Variants in TRA2A observed in about 807,000 individuals in gnomAD.
The protein encoded by TRA2A is transformer 2 alpha homolog.
TRA2A carries 31 observed loss-of-function variants against 45.7 expected under a neutral mutation model. The ratio of observed to expected loss-of-function variants is 0.68; its 90% CI spans 0.51 to 0.92. The LOEUF (loss-of-function observed/expected upper bound fraction) is 0.92. TRA2A is among the 40% of genes least tolerant of loss of function. The pLI is 0.00. For synonymous variants in TRA2A, 132 were observed against 126.2 expected (o/e 1.05, Z -0.31); for missense variants, 304 against 367.5 (o/e 0.83, Z 1.41).
At position 23,506,378 on chromosome 7, in the gene TRA2A, A is replaced by T. The variant is rs1789340646; in HGVS notation, c.642-112T>A. ...AAAAGTGAGGAAGAACATCCCTTTC[A>T]TGAGAAATTGCCTCCGTATCTCATT... is the stretch of plus-strand genomic sequence containing the variant. On this transcript the variant is annotated intron_variant, in intron 5 of 7. Transcript: ENST00000297071. The T allele has an allele frequency of 2.3e-6, 3 of 1,302,268 alleles. No homozygotes were observed. The South Asian group carries it at 5.7e-5, about 25-fold the overall frequency. The allele number at this position is 1,302,268 out of a possible 1,614,324, so 80.7% of individuals were successfully genotyped here.
intron 2 of TRA2A, among the ~76,000 whole-genome samples, chr7:23,517,494 AAAAAAAAAAAG>A (rs1488564680): frequency 4.8e-5 from 7 of 145,808 alleles, no homozygotes; most frequent in African/African-American, 1.8e-4. Context: ...AAAAAAAAAA[AAAAAAAAAAAG>A]AGAGAAAGAA....
intron 3 of TRA2A, among the ~76,000 whole-genome samples, chr7:23,513,699 C>G (rs1420128894): frequency 1.3e-5 from 2 of 151,676 alleles, no homozygotes; most frequent in African/African-American, 4.8e-5. Flanking sequence ...AGAAAGGGTA[C>G]GCTTGTCAGC....
intron 1 of TRA2A, among the ~76,000 whole-genome samples, chr7:23,527,058 A>G (rs1790368958): frequency 1.3e-5 from 2 of 152,170 alleles, no homozygotes; most frequent in Non-Finnish European, 2.9e-5. Flanking sequence ...AAACTAATGT[A>G]TAAGTGGCAA....
chr7:23,510,151 T>C (rs1789531650), intron 4 of TRA2A, among the ~76,000 whole-genome samples: 1 of 152,118 alleles, frequency 6.6e-6, no homozygotes, highest in Non-Finnish European at 1.5e-5. Flanking sequence ...CCATACAACA[T>C]GCCTGTGTTA....
At chr7:23,516,614 T>C in intron 2 of TRA2A, 86 bp from the exon 3 acceptor site, 1 of 1,230,248 alleles carries the variant, frequency 8.1e-7, no homozygotes, top group Non-Finnish European at 1.2e-6. Flanking sequence ...CATATATCCC[T>C]AACTATTCTC....
chr7:23,519,909 T>C (rs748524089), intron 2 of TRA2A, among the ~76,000 whole-genome samples: 2 of 152,166 alleles, frequency 1.3e-5, no homozygotes, highest in Non-Finnish European at 2.9e-5. Flanking sequence ...ATTATTACTT[T>C]TAAACAGCAA....
chr7:23,508,171 T>C (rs1326282603), intron 4 of TRA2A, among the ~76,000 whole-genome samples: 3 of 150,712 alleles, frequency 2.0e-5, no homozygotes, highest in Admixed American at 2.0e-4. Flanking sequence ...CAACCTTTTA[T>C]TGAGACTGAA....
intron 3 of TRA2A, among the ~76,000 whole-genome samples, chr7:23,515,230 T>C (rs1320444118): frequency 3.5e-5 from 5 of 142,028 alleles, no homozygotes; most frequent in East Asian, 2.0e-4. Flanking sequence ...TTTCTTTTTT[T>C]TTTTTTTTTT....
At chr7:23,510,323 CT>C (rs918175486) in intron 4 of TRA2A, among the ~76,000 whole-genome samples, 1 of 152,012 alleles carries the variant, frequency 6.6e-6, no homozygotes, top group African/African-American at 2.4e-5. Flanking sequence ...GCCAGTTAAG[CT>C]TTTTTTTCTT....
At chr7:23,505,946 GC>G in intron 6 of TRA2A, 133 bp from the exon 7 acceptor site, 1 of 692,770 alleles carries the variant, frequency 1.4e-6, no homozygotes, top group South Asian at 2.8e-5. Flanking sequence ...TTCTCTTTCT[GC>G]CAATGAGACC....
intron 1 of TRA2A, among the ~76,000 whole-genome samples, chr7:23,529,621 C>A (rs1015152237): frequency 1.3e-5 from 2 of 152,034 alleles, no homozygotes; most frequent in Non-Finnish European, 2.9e-5. Flanking sequence ...AATTCTTTAA[C>A]CAATTACAAA....
intron 4 of TRA2A, among the ~76,000 whole-genome samples, chr7:23,510,032 CCAAA>C (rs751885543): frequency 7.9e-5 from 12 of 152,126 alleles, no homozygotes; most frequent in East Asian, 5.8e-4. Flanking sequence ...GACCTCATCT[CCAAA>C]CAAACAAAGA....
At chr7:23,531,703 C>T in intron 1 of TRA2A, 86 bp downstream of exon 1, 3 of 1,516,352 alleles carry the variant, frequency 2.0e-6, no homozygotes, top group Non-Finnish European at 1.8e-6. Flanking sequence ...GCGGGACTAC[C>T]CGCAACCCCG....
intron 2 of TRA2A, among the ~76,000 whole-genome samples, chr7:23,517,090 C>A (rs147212030): frequency 6.6e-6 from 1 of 151,742 alleles, no homozygotes; most frequent in Admixed American, 6.6e-5. Flanking sequence ...GGTAACAGAA[C>A]GAGACTCTGT....
At chr7:23,512,662 G>C (rs1416845143) in intron 4 of TRA2A, among the ~76,000 whole-genome samples, 2 of 151,728 alleles carry the variant, frequency 1.3e-5, no homozygotes, top group Non-Finnish European at 2.9e-5. Context: ...GTTTCACCGT[G>C]TTAGCCAGGA....
intron 2 of TRA2A, among the ~76,000 whole-genome samples, chr7:23,518,675 GTTTT>G (rs199848477): frequency 7.2e-6 from 1 of 139,854 alleles, no homozygotes; most frequent in Non-Finnish European, 1.6e-5. Context: ...TTCATTTCTT[GTTTT>G]TTTTTTTTTT....
At chr7:23,524,202 AAGG>A (rs1473825606) in intron 1 of TRA2A, among the ~76,000 whole-genome samples, 1 of 152,164 alleles carries the variant, frequency 6.6e-6, no homozygotes, top group Non-Finnish European at 1.5e-5. Flanking sequence ...TTATTTTAAG[AAGG>A]AGGAGTCTCA....
intron 2 of TRA2A, among the ~76,000 whole-genome samples, chr7:23,519,728 G>A (rs1790049004): frequency 6.6e-6 from 1 of 152,142 alleles, no homozygotes; most frequent in Non-Finnish European, 1.5e-5. Context: ...TTTACAAAGT[G>A]AGGATATGGA....
chr7:23,507,491 A>G lies in TRA2A; in HGVS notation c.570T>C (p.Ile190=), dbSNP rs1429453900. Residue 190 remains isoleucine, a synonymous_variant, in exon 5 of 8, where the codon ATT becomes ATC. Transcript: ENST00000297071. ...ANGMELDGRR[I]RVDYSITKRA... ...TCTTGGTTATAGAATAATCCACCCGAATTCTTCTACCATCCAGCTCCATTC... is the reference window on the plus strand; with the variant it reads ...TCTTGGTTATAGAATAATCCACCCGGATTCTTCTACCATCCAGCTCCATTC... 4 of 1,614,018 alleles carry G rather than the reference A, an allele frequency of 2.5e-6. No homozygotes were observed. In the East Asian group the frequency reaches 8.9e-5, roughly 36 times the overall value.
Sources: allele counts gnomAD v4.1 joint callset (sites outside exome capture counted in the v4.1 genomes callset), GRCh38; gene constraint gnomAD v4.1.1; transcripts MANE v1.5; gene names NCBI Gene and HGNC (gene_info 2026-07-23, HGNC 2026-07-21).